The following SMAP1 variants were observed in gnomAD, a reference collection of about 807,000 sequenced individuals.
SMAP1 encodes stromal membrane-associated protein 1.
SMAP1 carries 24 observed loss-of-function variants against 58.5 expected under a neutral mutation model. That is an observed-to-expected ratio of 0.41 (90% confidence interval 0.30 to 0.58). The LOEUF (loss-of-function observed/expected upper bound fraction) is 0.58. Ranked by LOEUF, SMAP1 falls within the 20% of genes least tolerant of loss-of-function variation. SMAP1 has a pLI of 0.29. For synonymous variants in SMAP1, 216 were observed against 196.6 expected (o/e 1.10, Z -0.82); for missense variants, 563 against 566.3 (o/e 0.99, Z 0.06).
At chr6:70,697,643 G>A (rs184957939) in intron 1 of SMAP1, among the ~76,000 whole-genome samples, 1 of 152,242 alleles carries the variant, frequency 6.6e-6, no homozygotes, top group East Asian at 1.9e-4. Flanking sequence ...TTCTCTGGTG[G>A]TATGTTTTAA....
intron 4 of SMAP1, among the ~76,000 whole-genome samples, chr6:70,778,103 G>A (rs1767618382): frequency 6.6e-6 from 1 of 152,016 alleles, no homozygotes. Context: ...TGTATAGTAG[G>A]TGTATATATT....
At chr6:70,800,149 G>A (rs1021393624) in intron 6 of SMAP1, among the ~76,000 whole-genome samples, 1 of 151,980 alleles carries the variant, frequency 6.6e-6, no homozygotes, top group Non-Finnish European at 1.5e-5. Context: ...GGGTGTGATG[G>A]TGCACCTCTG....
rs148657683 is a variant in SMAP1 at position 70,747,869 on chromosome 6, G to A, written c.253-7111G>A. ...CTGCAACAGATAAATCAATATCTGAGAATATCTAGAAATTGTGAAAAGTAT... is the reference window on the plus strand; with the variant it reads ...CTGCAACAGATAAATCAATATCTGAAAATATCTAGAAATTGTGAAAAGTAT... On this transcript the variant is annotated intron_variant, in intron 2 of 10. Coordinates refer to ENST00000370455, the MANE Select transcript of SMAP1 (RefSeq NM_001044305.3). Among the ~76,000 whole-genome samples, 274 of 152,232 alleles carry A rather than the reference G, an allele frequency of 1.8e-3. 1 individual carries two copies. The highest frequency in any genetic ancestry group is 5.9e-3 in the African/African-American group (247 of 41,536).
chr6:70,683,776 A>G (rs907214911), intron 1 of SMAP1, among the ~76,000 whole-genome samples: 3 of 152,240 alleles, frequency 2.0e-5, no homozygotes, highest in Admixed American at 2.0e-4. Flanking sequence ...TAGAGATACA[A>G]GAGACCTGTA....
intron 3 of SMAP1, among the ~76,000 whole-genome samples, chr6:70,755,470 T>C (rs1395525756): frequency 6.6e-6 from 1 of 152,076 alleles, no homozygotes; most frequent in Non-Finnish European, 1.5e-5. Context: ...TTCAATACTT[T>C]ATTAAAAATA....
intron 1 of SMAP1, among the ~76,000 whole-genome samples, chr6:70,724,955 A>G (rs1768701025): frequency 6.6e-6 from 1 of 151,912 alleles, no homozygotes; most frequent in African/African-American, 2.4e-5. Flanking sequence ...CTTTTGTCCA[A>G]ATACTATTTA....
At chr6:70,819,493 G>A (rs922004978) in intron 6 of SMAP1, among the ~76,000 whole-genome samples, 41 of 152,220 alleles carry the variant, frequency 2.7e-4, no homozygotes, top group Admixed American at 2.4e-3. Flanking sequence ...AACCTGAAAC[G>A]TGGAATTAAA....
chr6:70,859,474 T>C (rs1476570664), intron 10 of SMAP1: 1 of 1,111,846 alleles, frequency 9.0e-7, no homozygotes, highest in Non-Finnish European at 1.3e-6. Flanking sequence ...ATGTAGTTTA[T>C]GTTAGTGTCT....
intron 1 of SMAP1, among the ~76,000 whole-genome samples, chr6:70,725,266 G>C (rs1353573563): frequency 6.6e-6 from 1 of 151,740 alleles, no homozygotes; most frequent in Non-Finnish European, 1.5e-5. Context: ...ACAGGCGCCT[G>C]CTACCACACC....
At chr6:70,833,285 A>G (rs192198760) in intron 6 of SMAP1, among the ~76,000 whole-genome samples, 99 of 152,334 alleles carry the variant, frequency 6.5e-4, no homozygotes, top group African/African-American at 2.2e-3. Flanking sequence ...TAATCTTTGT[A>G]GCTTTCACTA....
chr6:70,761,449 A>G (rs1280390847), intron 3 of SMAP1, among the ~76,000 whole-genome samples: 1 of 152,054 alleles, frequency 6.6e-6, no homozygotes, highest in African/African-American at 2.4e-5. Context: ...CTATGTCAGT[A>G]TAACTAAGTC....
At chr6:70,671,308 A>C (rs192249627) in intron 1 of SMAP1, among the ~76,000 whole-genome samples, 1 of 152,188 alleles carries the variant, frequency 6.6e-6, no homozygotes, top group East Asian at 1.9e-4. Flanking sequence ...CTTGGCAGGT[A>C]CCACATTGAC....
chr6:70,678,058 A>G (rs898710095), intron 1 of SMAP1, among the ~76,000 whole-genome samples: 1 of 152,184 alleles, frequency 6.6e-6, no homozygotes, highest in African/African-American at 2.4e-5. Flanking sequence ...CTTAAAACAG[A>G]GCTTAGATAA....
At chr6:70,729,703 T>C (rs563246212) in intron 1 of SMAP1, among the ~76,000 whole-genome samples, 65 of 152,264 alleles carry the variant, frequency 4.3e-4, no homozygotes, top group African/African-American at 1.4e-3. Context: ...TTTCTATGAG[T>C]AAGCCCTGTC....
chr6:70,756,407 T>C (rs1308848085), intron 3 of SMAP1, among the ~76,000 whole-genome samples: 2 of 152,114 alleles, frequency 1.3e-5, no homozygotes, highest in African/African-American at 4.8e-5. Flanking sequence ...GCGTTTTCTG[T>C]TTCTGTTCGC....
At chr6:70,815,530 CGGGGGGA>C (rs1471005871) in intron 6 of SMAP1, among the ~76,000 whole-genome samples, 1 of 151,788 alleles carries the variant, frequency 6.6e-6, no homozygotes, top group Non-Finnish European at 1.5e-5. Context: ...CTTTTTTTGG[CGGGGGGA>C]GTGGGGCAGA....
chr6:70,725,268 T>C (rs972970933), intron 1 of SMAP1, among the ~76,000 whole-genome samples: 2 of 151,774 alleles, frequency 1.3e-5, no homozygotes, highest in African/African-American at 4.8e-5. Context: ...AGGCGCCTGC[T>C]ACCACACCCG....
intron 6 of SMAP1, among the ~76,000 whole-genome samples, chr6:70,819,173 C>T (rs1769775370): frequency 6.6e-6 from 1 of 151,878 alleles, no homozygotes; most frequent in African/African-American, 2.4e-5. Flanking sequence ...AAGGCTTATC[C>T]ATGTTTGTAG....
At chr6:70,756,977 C>G (rs1003038547) in intron 3 of SMAP1, among the ~76,000 whole-genome samples, 10 of 152,102 alleles carry the variant, frequency 6.6e-5, no homozygotes, top group Non-Finnish European at 1.2e-4. Flanking sequence ...CCATCCCCAT[C>G]AAGCTACCAA....
Sources: gnomAD v4.1 joint callset for allele counts (sites outside exome capture counted in the v4.1 genomes callset) on GRCh38, gnomAD v4.1.1 for gene constraint, MANE v1.5 for transcripts, NCBI Gene and HGNC (gene_info 2026-07-23, HGNC 2026-07-21) for gene names.